The following TRPM7 variants were observed in gnomAD, a reference collection of about 807,000 sequenced individuals.
TRPM7 encodes transient receptor potential cation channel subfamily M member 7.
In TRPM7, 134 loss-of-function variants were observed where a neutral mutation model predicts 229.7. That is an observed-to-expected ratio of 0.58 (90% CI 0.51 to 0.67). The LOEUF (loss-of-function observed/expected upper bound fraction) is 0.67, where lower values mean the gene tolerates loss of function less well. Among genes scored for constraint, TRPM7 ranks in the 30% least tolerant of loss-of-function variants. The pLI, the probability that TRPM7 is intolerant of heterozygous loss-of-function variation, is 0.00. For missense variants in TRPM7, 1,901 were observed against 2,210.0 expected (o/e 0.86, Z 2.80); for synonymous variants, 699 against 715.2 (o/e 0.98, Z 0.36).
intron 38 of TRPM7, among the ~76,000 whole-genome samples, chr15:50,564,422 T>C (rs1451059424): frequency 6.6e-6 from 1 of 151,898 alleles, no homozygotes; most frequent in Non-Finnish European, 1.5e-5. Flanking sequence ...TTTATAGGTA[T>C]GGGACAAGAA....
At chr15:50,598,841 C>G (rs2059699842) in intron 22 of TRPM7, among the ~76,000 whole-genome samples, 1 of 152,100 alleles carries the variant, frequency 6.6e-6, no homozygotes, top group South Asian at 2.1e-4. Context: ...CCCTAAAGAC[C>G]ACTAGACCTA....
chr15:50,592,301 GATT>G lies in TRPM7; in HGVS notation c.3931_3933del (p.Asn1311del). On this transcript the variant is annotated inframe_deletion, in exon 26 of 39. Transcript: ENST00000646667. ...TTCATTAAAATATTACAATGAAAAG[GATT>G]ATTACTTTCAAGATCACCTTGAGGA... 6.2e-7 allele frequency: 1 copy of G among 1,613,828 alleles called. No homozygotes were observed. The highest frequency in any genetic ancestry group is 8.5e-7 in the Non-Finnish European group (1 of 1,179,902).
chr15:50,574,269 T>C lies in TRPM7; in HGVS notation c.5308+5A>G. The stretch of plus-strand genomic sequence containing the variant: ...TTCACCTTAGCAATATTTTAATAAA[T>C]TTACCTTGCAAATCAAGTACCAGTA... On this transcript the variant is annotated splice_donor_5th_base_variant and intron_variant, in intron 36 of 38. Transcript: ENST00000646667. 3 of 1,611,140 alleles carry C rather than the reference T, an allele frequency of 1.9e-6. No individual in the cohort carries two copies. Among genetic ancestry groups the C allele is most frequent in the Non-Finnish European group, 1.7e-6 (2 of 1,177,354 alleles).
chr15:50,646,475 G>A (rs899457798), intron 4 of TRPM7, among the ~76,000 whole-genome samples: 4 of 152,050 alleles, frequency 2.6e-5, no homozygotes, highest in South Asian at 4.2e-4. Flanking sequence ...GTACAGACAA[G>A]GTCTCACTAT....
At chr15:50,624,350 C>T (rs762859933) in intron 11 of TRPM7, 50 bp from the exon 12 acceptor site, 1 of 1,460,908 alleles carries the variant, frequency 6.8e-7, no homozygotes, top group Non-Finnish European at 9.2e-7. Context: ...TCTAATTATA[C>T]AAACACTTTT....
intron 6 of TRPM7, among the ~76,000 whole-genome samples, chr15:50,638,141 T>C (rs12902401): frequency 0.55 from 82,384 of 149,608 alleles, 22,630 homozygotes; most frequent in Admixed American, 0.62. Flanking sequence ...GGGCGGATCA[T>C]GAGGTCAGGA....
rs1266836961 is a variant in TRPM7, at chr15:50,620,607, T to C, written c.1441-809A>G. Among the ~76,000 whole-genome samples, 3 of 152,330 alleles carry C rather than the reference T, an allele frequency of 2.0e-5. No individual in the cohort carries two copies. In the East Asian group the frequency reaches 5.8e-4, roughly 29 times the overall value. ...TTGATATTGCATATGAATCATATTT[T>C]ACTTTACTTTGCTCTGCCTTCTTTT... On this transcript the variant is annotated intron_variant, in intron 12 of 38. Coordinates refer to ENST00000646667, the MANE Select transcript of TRPM7 (RefSeq NM_017672.6).
At chr15:50,625,099 T>C (rs1268298756) in intron 11 of TRPM7, among the ~76,000 whole-genome samples, 3 of 152,188 alleles carry the variant, frequency 2.0e-5, no homozygotes, top group East Asian at 3.8e-4. Flanking sequence ...GGTAAATTAG[T>C]AGGGACATGA....
At chr15:50,590,595 T>C (rs536868857) in intron 26 of TRPM7, among the ~76,000 whole-genome samples, 6 of 152,136 alleles carry the variant, frequency 3.9e-5, no homozygotes, top group Non-Finnish European at 8.8e-5. Flanking sequence ...GTAGAGAAAA[T>C]ATATATGATA....
At chr15:50,649,960 C>T (rs1421323456) in intron 3 of TRPM7, among the ~76,000 whole-genome samples, 2 of 151,878 alleles carry the variant, frequency 1.3e-5, no homozygotes, top group Middle Eastern at 3.4e-3. Flanking sequence ...TTTGGGAGGC[C>T]GAGACGGGCA....
chr15:50,640,639 A>G (rs934731599), intron 5 of TRPM7, among the ~76,000 whole-genome samples: 2 of 152,008 alleles, frequency 1.3e-5, no homozygotes, highest in African/African-American at 4.8e-5. Flanking sequence ...ATACCATAAA[A>G]TATGACTGCA....
At chr15:50,612,508 T>C in intron 16 of TRPM7, 41 bp downstream of exon 16, 1 of 1,580,524 alleles carries the variant, frequency 6.3e-7, no homozygotes, top group Non-Finnish European at 8.6e-7. Flanking sequence ...ATACCTACTT[T>C]GAATTTTTAA....
intron 16 of TRPM7, among the ~76,000 whole-genome samples, chr15:50,611,665 G>A (rs1430327900): frequency 6.6e-6 from 1 of 152,146 alleles, no homozygotes; most frequent in Non-Finnish European, 1.5e-5. Context: ...GAAAACAGTT[G>A]GTACCTGGTA....
intron 38 of TRPM7, among the ~76,000 whole-genome samples, chr15:50,563,256 A>G (rs1357506794): frequency 6.6e-6 from 1 of 152,156 alleles, no homozygotes; most frequent in African/African-American, 2.4e-5. Flanking sequence ...ATGGTCTACA[A>G]AGCCTAAAAT....
chr15:50,618,273 ATGT>A (rs2060284026), intron 13 of TRPM7, among the ~76,000 whole-genome samples: 1 of 152,114 alleles, frequency 6.6e-6, no homozygotes, highest in Non-Finnish European at 1.5e-5. Flanking sequence ...CCAATACTAG[ATGT>A]TTTTTACTTT....
chr15:50,600,759 A>T (rs1039619155), intron 21 of TRPM7, among the ~76,000 whole-genome samples: 1 of 152,258 alleles, frequency 6.6e-6, no homozygotes, highest in African/African-American at 2.4e-5. Context: ...GCTTAAGATT[A>T]GAAAGAAAAG....
Position 50,683,625 on chromosome 15 carries a change from G to A in TRPM7, c.3+2906C>T, listed in dbSNP as rs566265848. Reference sequence around the variant, plus strand: ...GGTGGACGCCTGTAATCCCAGCTTCGGGAGGCTGGGGCAGCAGAATCGCTT... The same window carrying A: ...GGTGGACGCCTGTAATCCCAGCTTCAGGAGGCTGGGGCAGCAGAATCGCTT... On this transcript the variant is annotated intron_variant, in intron 1 of 38. Coordinates refer to ENST00000646667, the MANE Select transcript of TRPM7 (RefSeq NM_017672.6). Among the ~76,000 whole-genome samples, 4 of 152,084 alleles carry A rather than the reference G, an allele frequency of 2.6e-5. No individual in the cohort carries two copies. In the South Asian group the frequency reaches 6.2e-4, roughly 24 times the overall value.
chr15:50,631,572 T>TG, intron 9 of TRPM7, 83 bp from the exon 10 acceptor site: 4 of 807,192 alleles, frequency 5.0e-6, no homozygotes, highest in South Asian at 3.3e-5. Context: ...TCAAACTATA[T>TG]GGGGGGCAAA....
rs1187642548 is a variant in TRPM7, at chr15:50,593,642, C to T, written c.3583G>A (p.Glu1195Lys). 1.9e-6 allele frequency: 3 copies of T among 1,611,894 alleles called. No individual in the cohort carries two copies. The highest frequency in any genetic ancestry group is 2.5e-6 in the Non-Finnish European group (3 of 1,179,430). ...CTTTCAAAAGTGACACGAATTCTCTCTTCACTCCCAGAATGAAATTTGTCA... is the reference window on the plus strand; with the variant it reads ...CTTTCAAAAGTGACACGAATTCTCTTTTCACTCCCAGAATGAAATTTGTCA... ...KDDKFHSGSE[E>K]RIRVTFERVE... Residue 1195 changes from glutamate (E) to lysine (K), a missense_variant, in exon 25 of 39, where the codon GAG becomes AAG. Glu to Lys is a moderately conservative substitution (Grantham distance 56). This residue lies in a region of TRPM7 where 533 missense variants were observed against 497.1 expected (regional missense o/e 1.07). Coordinates refer to ENST00000646667, the MANE Select transcript of TRPM7 (RefSeq NM_017672.6).
Sources: allele counts gnomAD v4.1 joint callset (sites outside exome capture counted in the v4.1 genomes callset), GRCh38; gene constraint gnomAD v4.1.1; regional missense constraint gnomAD v4.1.1; transcripts MANE v1.5; gene names NCBI Gene and HGNC (gene_info 2026-07-23, HGNC 2026-07-21).